Variants in MPHOSPH10 observed in about 807,000 individuals in gnomAD.
MPHOSPH10 encodes M-phase phosphoprotein 10.
In MPHOSPH10, 33 loss-of-function variants were observed where a neutral mutation model predicts 77.3. That is an observed-to-expected ratio of 0.43 (90% CI 0.32 to 0.57). MPHOSPH10 has a LOEUF of 0.57. MPHOSPH10 is among the 20% of genes least tolerant of loss of function. MPHOSPH10 has a pLI of 0.07. For missense variants in MPHOSPH10, 708 were observed against 780.1 expected (o/e 0.91, Z 1.10); for synonymous variants, 245 against 268.0 (o/e 0.91, Z 0.84).
rs1482832421 is a variant in MPHOSPH10 at position 71,149,236 on chromosome 2, C to T, written c.1679C>T (p.Ala560Val). 6.4e-7 allele frequency: 1 copy of T among 1,563,410 alleles called. No individual in the cohort carries two copies. ...APEEIKEKNK[A>V]GDIKTAAEKT... The stretch of plus-strand genomic sequence containing the variant: ...TTTTTTTAATAGGAGAAAAATAAAG[C>T]TGGAGATATAAAAACAGCTGCTGAA... The change falls in exon 10 of 11, where the codon GCT becomes GTT. Residue 560 changes from alanine (A) to valine (V), a missense_variant. Ala to Val is a moderately conservative substitution (Grantham distance 64). This residue lies in a region of MPHOSPH10 where 263 missense variants were observed against 320.0 expected (regional missense o/e 0.82). Coordinates refer to ENST00000244230, the MANE Select transcript of MPHOSPH10 (RefSeq NM_005791.3).
At chr2:71,135,587 G>A (rs1673472405) in intron 4 of MPHOSPH10, among the ~76,000 whole-genome samples, 1 of 151,668 alleles carries the variant, frequency 6.6e-6, no homozygotes, top group Non-Finnish European at 1.5e-5. Flanking sequence ...TTTTTTCTCT[G>A]TCCCTAATAT....
chr2:71,148,556 C>T (rs938011207), intron 9 of MPHOSPH10: 2 of 163,074 alleles, frequency 1.2e-5, no homozygotes, highest in African/African-American at 4.8e-5. Flanking sequence ...GCAGCAATCC[C>T]TGCCATGTGA....
intron 8 of MPHOSPH10, among the ~76,000 whole-genome samples, chr2:71,145,725 T>A (rs758711483): frequency 6.6e-6 from 1 of 152,170 alleles, no homozygotes; most frequent in Non-Finnish European, 1.5e-5. Flanking sequence ...ACCTGTGTGA[T>A]CTGGCTCTTC....
intron 6 of MPHOSPH10, 29 bp downstream of exon 6, chr2:71,139,891 A>C: frequency 7.0e-7 from 1 of 1,428,286 alleles, no homozygotes; most frequent in Non-Finnish European, 9.7e-7. Context: ...TAACTTAATC[A>C]AAATGTCACC....
chr2:71,147,154 T>C (rs1673731329), intron 8 of MPHOSPH10, among the ~76,000 whole-genome samples: 1 of 152,256 alleles, frequency 6.6e-6, no homozygotes, highest in East Asian at 1.9e-4. Flanking sequence ...TAGTCTATTT[T>C]TGACTCTTGT....
intron 7 of MPHOSPH10, among the ~76,000 whole-genome samples, chr2:71,141,915 C>G (rs922770184): frequency 2.6e-5 from 4 of 151,998 alleles, no homozygotes; most frequent in Non-Finnish European, 5.9e-5. Flanking sequence ...GCCTGTAATC[C>G]TAGTTACTTG....
chr2:71,138,451 T>C (rs750691063), intron 4 of MPHOSPH10, 39 bp from the exon 5 acceptor site: 6 of 1,434,232 alleles, frequency 4.2e-6, no homozygotes, highest in Non-Finnish European at 5.6e-6. Flanking sequence ...TAAGATTTTA[T>C]TTTCTAAATG....
chr2:71,134,904 C>A (rs1673456184), intron 4 of MPHOSPH10, 107 bp downstream of exon 4: 2 of 894,298 alleles, frequency 2.2e-6, no homozygotes, highest in South Asian at 1.7e-5. Context: ...CAGTGGCTCA[C>A]GCCTGTAATC....
chr2:71,148,017 G>T lies in MPHOSPH10; in HGVS notation c.1576G>T (p.Val526Phe), dbSNP rs2103682626. 1 of 1,614,036 alleles carries T rather than the reference G, an allele frequency of 6.2e-7. No individual in the cohort carries two copies. Among genetic ancestry groups the T allele is most frequent in the Middle Eastern group, 1.6e-4 (1 of 6,062 alleles). ...TTTCTAGCCTGTACCAGAGATTAAA[G>T]TTGTGTCAAATCTGCCAGCCATAAC... is the stretch of plus-strand genomic sequence containing the variant. Reference protein sequence around the residue: ...IPKPPVPEIKVVSNLPAITME... With the variant: ...IPKPPVPEIKFVSNLPAITME... The change falls in exon 9 of 11, where the codon GTT (valine) becomes TTT (phenylalanine). Residue 526 changes from valine to phenylalanine, a missense_variant. This residue lies in a region of MPHOSPH10 where 263 missense variants were observed against 320.0 expected (regional missense o/e 0.82). Coordinates refer to ENST00000244230, the MANE Select transcript of MPHOSPH10 (RefSeq NM_005791.3).
chr2:71,146,121 G>A (rs1673701799), intron 8 of MPHOSPH10, among the ~76,000 whole-genome samples: 1 of 152,208 alleles, frequency 6.6e-6, no homozygotes, highest in African/African-American at 2.4e-5. Flanking sequence ...ACACACGGAA[G>A]CCTTTAGACA....
chr2:71,134,061 T>C lies in MPHOSPH10; in HGVS notation c.882T>C (p.Asp294=), dbSNP rs750172726. 30 of 1,609,784 alleles carry C rather than the reference T, an allele frequency of 1.9e-5. No individual in the cohort carries two copies. The Admixed American group carries it at 4.9e-4, about 26-fold the overall frequency. The change falls in exon 3 of 11, where the codon GAT becomes GAC. Residue 294 remains aspartate (D), a synonymous_variant. Coordinates refer to ENST00000244230, the MANE Select transcript of MPHOSPH10 (RefSeq NM_005791.3). ...DDELDSNKED[D]EIAEEEAEEL... ...AGCTGGATTCAAACAAAGAAGATGATGAAATTGCTGAAGAAGAAGCAGAAG... is the reference window on the plus strand; with the variant it reads ...AGCTGGATTCAAACAAAGAAGATGACGAAATTGCTGAAGAAGAAGCAGAAG...
chr2:71,149,699 G>A (rs1446863227), intron 10 of MPHOSPH10, among the ~76,000 whole-genome samples, 167 bp from the exon 11 acceptor site: 1 of 152,222 alleles, frequency 6.6e-6, no homozygotes, highest in Non-Finnish European at 1.5e-5. Flanking sequence ...TAAGAACATT[G>A]TAGCAGTGCA....
At chr2:71,144,390 A>C in intron 7 of MPHOSPH10, 38 bp from the exon 8 acceptor site, 1 of 1,441,716 alleles carries the variant, frequency 6.9e-7, no homozygotes, top group Non-Finnish European at 9.7e-7. Flanking sequence ...ATATATATCA[A>C]GTCGCTTAGT....
Position 71,144,453 on chromosome 2 carries a change from C to G in MPHOSPH10, c.1472C>G (p.Pro491Arg), listed in dbSNP as rs1673670688. 1 of 1,613,652 alleles carries G rather than the reference C, an allele frequency of 6.2e-7. No homozygotes were observed. The highest frequency in any genetic ancestry group is 1.1e-5 in the South Asian group (1 of 91,000). ...NQQKTAEEEN[P>R]EHVEIQKMMD... is the part of the protein sequence containing the mutation. The stretch of plus-strand genomic sequence containing the variant: ...CAAAAAACAGCAGAAGAAGAAAATC[C>G]AGAACATGTAGAAATTCAGAAGATG... The change falls in exon 8 of 11, where the codon CCA (proline) becomes CGA (arginine). Residue 491 changes from proline (P) to arginine (R), a missense_variant. By Grantham distance (103) the Pro-to-Arg change is moderately radical. Transcript: ENST00000244230.
intron 1 of MPHOSPH10, among the ~76,000 whole-genome samples, chr2:71,131,226 G>T (rs1673370901): frequency 6.6e-6 from 1 of 152,154 alleles, no homozygotes; most frequent in Non-Finnish European, 1.5e-5. Context: ...TTTAAAATGT[G>T]ATCTATGAAA....
chr2:71,136,871 T>C (rs1233285480), intron 4 of MPHOSPH10, among the ~76,000 whole-genome samples: 1 of 142,062 alleles, frequency 7.0e-6, no homozygotes, highest in Non-Finnish European at 1.5e-5. Flanking sequence ...TTTTTGAAAC[T>C]GTTAGGTCAT....
intron 9 of MPHOSPH10, 28 bp downstream of exon 9, chr2:71,148,134 T>C (rs372491002): frequency 4.5e-6 from 7 of 1,568,982 alleles, no homozygotes; most frequent in Non-Finnish European, 8.8e-7. Flanking sequence ...AAACCTTAAA[T>C]GTCTGTTACA....
At chr2:71,138,077 A>T (rs182095955) in intron 4 of MPHOSPH10, among the ~76,000 whole-genome samples, 6 of 152,292 alleles carry the variant, frequency 3.9e-5, no homozygotes, top group Admixed American at 3.3e-4. Flanking sequence ...ACAGAGCGAG[A>T]CTCTGCTTCA....
chr2:71,145,160 C>T (rs746152549), intron 8 of MPHOSPH10, among the ~76,000 whole-genome samples: 9 of 152,192 alleles, frequency 5.9e-5, no homozygotes, highest in Non-Finnish European at 1.2e-4. Context: ...CTTGGCTCTA[C>T]CTGTCTATTC....
Sources: gnomAD v4.1 joint callset for allele counts (sites outside exome capture counted in the v4.1 genomes callset) on GRCh38, gnomAD v4.1.1 for gene constraint, gnomAD v4.1.1 regional missense constraint, MANE v1.5 for transcripts, NCBI Gene and HGNC (gene_info 2026-07-23, HGNC 2026-07-21) for gene names.